The following NPEPPS variants were observed in gnomAD, a reference collection of about 807,000 sequenced individuals.
The protein encoded by NPEPPS is puromycin-sensitive aminopeptidase.
In NPEPPS, 14 loss-of-function variants were observed where a neutral mutation model predicts 115.5. That is an observed-to-expected ratio of 0.12 (90% CI 0.08 to 0.19). The LOEUF (loss-of-function observed/expected upper bound fraction) is 0.19, where lower values mean the gene tolerates loss of function less well. Among genes scored for constraint, NPEPPS ranks in the 10% least tolerant of loss-of-function variants. NPEPPS has a pLI of 1.00. For missense variants in NPEPPS, 523 were observed against 1,110.8 expected (o/e 0.47, Z 7.52); for synonymous variants, 285 against 390.6 (o/e 0.73, Z 3.19).
chr17:47,593,572 A>C (rs1426296426), intron 12 of NPEPPS, among the ~76,000 whole-genome samples: 1 of 152,062 alleles, frequency 6.6e-6, no homozygotes, highest in East Asian at 1.9e-4. Flanking sequence ...AAAAATAAAA[A>C]ATAAAGGGAA....
chr17:47,550,240 A>G (rs375122653), intron 2 of NPEPPS, among the ~76,000 whole-genome samples: 10 of 150,716 alleles, frequency 6.6e-5, no homozygotes, highest in Admixed American at 1.3e-4. Flanking sequence ...GCCAATTGTT[A>G]CTTCTTTGTG....
intron 13 of NPEPPS, among the ~76,000 whole-genome samples, chr17:47,597,774 A>G (rs1239433592): frequency 1.3e-5 from 2 of 152,172 alleles, no homozygotes; most frequent in Non-Finnish European, 2.9e-5. Flanking sequence ...CAATTCTTGC[A>G]CTCTCAAAAT....
intron 17 of NPEPPS, among the ~76,000 whole-genome samples, chr17:47,607,407 A>T (rs1340087995): frequency 2.6e-5 from 4 of 152,342 alleles, no homozygotes; most frequent in Non-Finnish European, 4.4e-5. Context: ...TATTCGAGGA[A>T]TAACAAGAAA....
chr17:47,532,693 A>G (rs1907905727), intron 1 of NPEPPS, among the ~76,000 whole-genome samples: 1 of 151,066 alleles, frequency 6.6e-6, no homozygotes, highest in South Asian at 2.1e-4. Context: ...GAAAGAAAGA[A>G]GCTATTAGTT....
chr17:47,598,417 A>G (rs1407571711), intron 13 of NPEPPS, among the ~76,000 whole-genome samples: 1 of 152,162 alleles, frequency 6.6e-6, no homozygotes. Context: ...TGAAGGCTGC[A>G]GTGAGCTGTG....
chr17:47,530,102 A>ATT (rs5820660), upstream of NPEPPS, among the ~76,000 whole-genome samples: 2,045 of 124,446 alleles, frequency 0.016, 45 homozygotes, highest in African/African-American at 0.018. Context: ...AAGCCCGGCT[A>ATT]TTTTTTTTTT....
In NPEPPS at chr17:47,558,207, A is replaced by G. The variant is rs552200444; in HGVS notation, c.341-11210A>G. ...TAGTGGTGTGATCTCGGCTCACTGC[A>G]ACCTCCGCCTCCCAGGTTCAAGCAG... On this transcript the variant is annotated intron_variant, in intron 2 of 22. Transcript: ENST00000322157. 5.3e-5 allele frequency among the ~76,000 whole-genome samples: 8 copies of G among 151,518 alleles called. No individual in the cohort carries two copies. In the East Asian group the frequency reaches 1.6e-3, roughly 29 times the overall value.
chr17:47,599,669 T>C lies in NPEPPS; in HGVS notation c.1537-7T>C. On this transcript the variant is annotated splice_polypyrimidine_tract_variant and splice_region_variant and intron_variant, in intron 13 of 22. Coordinates refer to ENST00000322157, the MANE Select transcript of NPEPPS (RefSeq NM_006310.4). ...GTACTATTATAGCCTTTGTTTTGCT[T>C]CTTTAGGTAGAAGATGACAGATTAT... 6.4e-7 allele frequency: 1 copy of C among 1,557,266 alleles called. No individual in the cohort carries two copies. Among genetic ancestry groups the C allele is most frequent in the Non-Finnish European group, 8.7e-7 (1 of 1,149,232 alleles).
chr17:47,550,630 AAT>A (rs1909580740), intron 2 of NPEPPS, among the ~76,000 whole-genome samples: 8 of 114,260 alleles, frequency 7.0e-5, no homozygotes, highest in Non-Finnish European at 1.1e-4. Flanking sequence ...ATATATATAT[AAT>A]TTTTTTTTTT....
At position 47,619,725 on chromosome 17, in the gene NPEPPS, A is replaced by G. The variant is rs1376370898; in HGVS notation, c.2560-12A>G. On this transcript the variant is annotated splice_polypyrimidine_tract_variant and intron_variant, in intron 21 of 22. Transcript: ENST00000322157. The stretch of plus-strand genomic sequence containing the variant: ...TTGGTTTCACTTACTGTTTAAAACC[A>G]TTGTTTTGCAGCTATCAGTTGAGGG... 1.2e-6 allele frequency: 2 copies of G among 1,612,700 alleles called. No homozygotes were observed. The highest frequency in any genetic ancestry group is 1.3e-5 in the African/African-American group (1 of 75,002).
chr17:47,566,021 TCTCA>T (rs776386425), intron 2 of NPEPPS, among the ~76,000 whole-genome samples: 1 of 152,136 alleles, frequency 6.6e-6, no homozygotes, highest in African/African-American at 2.4e-5. Flanking sequence ...CGAGACAGGG[TCTCA>T]CTCTGTCACC....
intron 1 of NPEPPS, among the ~76,000 whole-genome samples, chr17:47,523,886 A>G: frequency 6.6e-6 from 1 of 152,060 alleles, no homozygotes; most frequent in East Asian, 1.9e-4. Flanking sequence ...TATTGAAACT[A>G]TTTCTTTTTG....
chr17:47,530,324 T>C (rs866970081), upstream of NPEPPS, among the ~76,000 whole-genome samples: 2 of 150,552 alleles, frequency 1.3e-5, no homozygotes, highest in African/African-American at 4.9e-5. Flanking sequence ...CAAATCTCAT[T>C]GGTTGAAGTA....
intron 2 of NPEPPS, among the ~76,000 whole-genome samples, chr17:47,552,466 T>C (rs1414665842): frequency 6.6e-6 from 1 of 152,216 alleles, no homozygotes; most frequent in Non-Finnish European, 1.5e-5. Flanking sequence ...ACATGAAGTT[T>C]GCAGTGTATT....
chr17:47,532,527 C>T (rs966810500), intron 1 of NPEPPS, among the ~76,000 whole-genome samples: 4 of 151,662 alleles, frequency 2.6e-5, no homozygotes, highest in African/African-American at 9.7e-5. Flanking sequence ...GGTGGCGGGC[C>T]CCTGTAATCT....
intron 12 of NPEPPS, 177 bp from the exon 13 acceptor site, chr17:47,596,176 G>A: frequency 2.1e-6 from 1 of 486,118 alleles, no homozygotes; most frequent in Non-Finnish European, 3.7e-6. Flanking sequence ...TTTTATGATA[G>A]AATTTACTTA....
chr17:47,556,556 C>T (rs1338589793), intron 2 of NPEPPS, among the ~76,000 whole-genome samples: 2 of 152,172 alleles, frequency 1.3e-5, no homozygotes, highest in Admixed American at 1.3e-4. Flanking sequence ...TCGACAAAAC[C>T]GCCATCGTCA....
At chr17:47,572,840 A>G (rs1432085793) in intron 3 of NPEPPS, among the ~76,000 whole-genome samples, 1 of 152,140 alleles carries the variant, frequency 6.6e-6, no homozygotes, top group Non-Finnish European at 1.5e-5. Context: ...TAGTGGTGCG[A>G]TCTCGGCTCA....
intron 2 of NPEPPS, among the ~76,000 whole-genome samples, chr17:47,561,092 T>A (rs540882209): frequency 1.3e-5 from 2 of 152,332 alleles, no homozygotes; most frequent in African/African-American, 4.8e-5. Flanking sequence ...GTATAGATGG[T>A]ATAAGCAATA....
Sources: allele counts gnomAD v4.1 joint callset (sites outside exome capture counted in the v4.1 genomes callset), GRCh38; gene constraint gnomAD v4.1.1; transcripts MANE v1.5; gene names NCBI Gene and HGNC (gene_info 2026-07-23, HGNC 2026-07-21).